DCBLD2: variants seen among roughly 807,000 people sequenced by gnomAD.
DCBLD2 encodes discoidin, CUB and LCCL domain-containing protein 2.
DCBLD2 carries 54 observed loss-of-function variants against 86.8 expected under a neutral mutation model. The ratio of observed to expected loss-of-function variants is 0.62; its 90% CI spans 0.50 to 0.78. The LOEUF is 0.78. Ranked by LOEUF, DCBLD2 falls within the 30% of genes least tolerant of loss-of-function variation. DCBLD2 has a pLI of 0.00. For synonymous variants in DCBLD2, 354 were observed against 341.3 expected (o/e 1.04, Z -0.41); for missense variants, 908 against 954.2 (o/e 0.95, Z 0.64).
Position 98,808,089 on chromosome 3 carries a change from C to T in DCBLD2, c.1662G>A (p.Trp554Ter). 1 of 1,594,644 alleles carries T rather than the reference C, an allele frequency of 6.3e-7. No homozygotes were observed. Among genetic ancestry groups the T allele is most frequent in the South Asian group, 1.1e-5 (1 of 87,132 alleles). ...ACTAGTTATGTACTAACCTGTTTCT[C>T]CAGTGCCAAGCACACACTAATATGA... The part of the protein sequence containing the change: ...LILILVCAWH[W>*]RNRKKKTEGT... Residue 554 changes from tryptophan to a stop codon, truncating the protein, a stop_gained, in exon 13 of 16, where the codon TGG (tryptophan) becomes TGA (stop). Transcript: ENST00000326840. LOFTEE classifies it high-confidence loss of function.
At chr3:98,862,201 T>C (rs1221983763) in intron 2 of DCBLD2, among the ~76,000 whole-genome samples, 6 of 152,016 alleles carry the variant, frequency 3.9e-5, no homozygotes, top group Non-Finnish European at 7.4e-5. Flanking sequence ...AACAGACCAA[T>C]AACAGGCTCT....
chr3:98,811,241 G>C lies in DCBLD2; in HGVS notation c.1529C>G (p.Ala510Gly), dbSNP rs1398533983. 1 of 1,611,818 alleles carries C rather than the reference G, an allele frequency of 6.2e-7. No homozygotes were observed. Among genetic ancestry groups the C allele is most frequent in the Non-Finnish European group, 8.5e-7 (1 of 1,179,168 alleles). The change falls in exon 12 of 16, where the codon GCC becomes GGC. Residue 510 changes from alanine to glycine, a missense_variant. Around this residue, in one of 3 missense-constraint regions of DCBLD2, gnomAD observed 606 missense variants for 678.5 expected, o/e 0.89. Coordinates refer to ENST00000326840, the MANE Select transcript of DCBLD2 (RefSeq NM_080927.4). ...GGTAGTATTTCTGATATCAGGACTG[G>C]CAGTTGTTTGTTCTGTCTGTGCAGG... ...EFPAQTEQTTASPDIRNTTVT... is the reference protein window; with the variant it reads ...EFPAQTEQTTGSPDIRNTTVT...
intron 1 of DCBLD2, among the ~76,000 whole-genome samples, chr3:98,897,869 G>C (rs1048595674): frequency 6.6e-6 from 1 of 152,038 alleles, no homozygotes; most frequent in African/African-American, 2.4e-5. Context: ...TGAGGAAGCT[G>C]AGCTCCTGAT....
intron 2 of DCBLD2, among the ~76,000 whole-genome samples, chr3:98,855,778 G>A (rs1184573399): frequency 2.6e-5 from 4 of 152,100 alleles, no homozygotes; most frequent in Non-Finnish European, 4.4e-5. Flanking sequence ...ATTCCCCATC[G>A]AAATTTTCCA....
At chr3:98,888,635 A>G (rs1943602442) in intron 1 of DCBLD2, among the ~76,000 whole-genome samples, 1 of 152,082 alleles carries the variant, frequency 6.6e-6, no homozygotes, top group Non-Finnish European at 1.5e-5. Flanking sequence ...TTGTCATAAA[A>G]GATCAGAACA....
At chr3:98,897,626 C>T (rs1943773114) in intron 1 of DCBLD2, among the ~76,000 whole-genome samples, 2 of 152,202 alleles carry the variant, frequency 1.3e-5, no homozygotes, top group South Asian at 4.1e-4. Context: ...TAAACTTTTT[C>T]ACATATTGGT....
intron 2 of DCBLD2, among the ~76,000 whole-genome samples, chr3:98,874,075 C>T (rs1351383421): frequency 6.6e-6 from 1 of 152,140 alleles, no homozygotes. Context: ...GACCAATTTC[C>T]TGAGAAGAAA....
chr3:98,870,415 G>C (rs138873345), intron 2 of DCBLD2, among the ~76,000 whole-genome samples: 260 of 152,186 alleles, frequency 1.7e-3, no homozygotes, highest in Non-Finnish European at 2.9e-3. Context: ...GACTGCTTTT[G>C]CTATTCAGGA....
intron 2 of DCBLD2, among the ~76,000 whole-genome samples, chr3:98,878,029 A>C (rs1232996634): frequency 1.3e-5 from 2 of 152,176 alleles, no homozygotes; most frequent in Non-Finnish European, 2.9e-5. Flanking sequence ...TGAAAAAAAA[A>C]CCTAATAAAT....
chr3:98,859,948 C>T (rs901870118), intron 2 of DCBLD2, among the ~76,000 whole-genome samples: 1 of 152,176 alleles, frequency 6.6e-6, no homozygotes, highest in Non-Finnish European at 1.5e-5. Flanking sequence ...GAAGTTTGAA[C>T]ACAACACAAA....
At chr3:98,836,672 C>T (rs1303840324) in intron 3 of DCBLD2, among the ~76,000 whole-genome samples, 3 of 114,140 alleles carry the variant, frequency 2.6e-5, no homozygotes, top group African/African-American at 6.7e-5. Flanking sequence ...TAGGGGCGGC[C>T]GGGCAGAGGC....
intron 3 of DCBLD2, among the ~76,000 whole-genome samples, chr3:98,848,881 T>C (rs1942775064): frequency 6.6e-6 from 1 of 152,116 alleles, no homozygotes; most frequent in South Asian, 2.1e-4. Context: ...TTAAAAATGT[T>C]ATTATAGGCC....
chr3:98,817,715 G>T, intron 9 of DCBLD2, 54 bp downstream of exon 9: 1 of 1,575,480 alleles, frequency 6.3e-7, no homozygotes, highest in South Asian at 1.1e-5. Context: ...TCTGTGACTT[G>T]GCAACCACCC....
chr3:98,842,039 C>T (rs1268782005), intron 3 of DCBLD2, among the ~76,000 whole-genome samples: 4 of 152,014 alleles, frequency 2.6e-5, no homozygotes, highest in Non-Finnish European at 2.9e-5. Flanking sequence ...TACTACAGCC[C>T]GGGTGCCAGA....
chr3:98,842,004 G>C (rs890631363), intron 3 of DCBLD2, among the ~76,000 whole-genome samples: 56 of 152,340 alleles, frequency 3.7e-4, no homozygotes, highest in African/African-American at 1.2e-3. Flanking sequence ...GGCGGAGGCT[G>C]CAGTGAGCTG....
chr3:98,901,253 G>A lies in DCBLD2; in HGVS notation c.74C>T (p.Pro25Leu). Reference sequence around the variant, plus strand: ...GGAGAGGGGGAGCGCGGCCCAGGCGGGGGCGGCGGCCGCGGCCCGGACTTG... The same window carrying A: ...GGAGAGGGGGAGCGCGGCCCAGGCGAGGGCGGCGGCCGCGGCCCGGACTTG... The part of the protein sequence containing the change: ...CPQVRAAAAA[P>L]AWAALPLSRS... The change falls in exon 1 of 16, where the codon CCC becomes CTC. Residue 25 changes from proline to leucine, a missense_variant. Physicochemically the swap from Pro to Leu is moderately conservative, Grantham distance 98. Transcript: ENST00000326840. 6.5e-7 allele frequency: 1 copy of A among 1,531,730 alleles called. No homozygotes were observed. Among genetic ancestry groups the A allele is most frequent in the Non-Finnish European group, 8.7e-7 (1 of 1,144,512 alleles). The allele number at this position is 1,531,730 out of a possible 1,614,324, so 94.9% of individuals were successfully genotyped here.
chr3:98,807,969 A>T, intron 13 of DCBLD2, 112 bp downstream of exon 13: 1 of 753,674 alleles, frequency 1.3e-6, no homozygotes, highest in Non-Finnish European at 1.9e-6. Flanking sequence ...TTTTCATTTT[A>T]ATAATTACCT....
intron 5 of DCBLD2, 36 bp from the exon 6 acceptor site, chr3:98,822,397 T>G (rs1166392241): frequency 8.8e-6 from 14 of 1,593,442 alleles, no homozygotes; most frequent in Non-Finnish European, 1.2e-5. Context: ...CATTTTTAAT[T>G]TTCTCTTAAT....
At chr3:98,818,191 A>C (rs1266285877) in intron 8 of DCBLD2, among the ~76,000 whole-genome samples, 1 of 152,184 alleles carries the variant, frequency 6.6e-6, no homozygotes, top group Non-Finnish European at 1.5e-5. Context: ...ACTTCCTGGG[A>C]ATGAACAGAT....
Sources: gnomAD v4.1 joint callset for allele counts (sites outside exome capture counted in the v4.1 genomes callset) on GRCh38, gnomAD v4.1.1 for gene constraint, gnomAD v4.1.1 regional missense constraint, MANE v1.5 for transcripts, NCBI Gene and HGNC (gene_info 2026-07-23, HGNC 2026-07-21) for gene names.